KCNK2: variants seen among roughly 807,000 people sequenced by gnomAD.
KCNK2 encodes the protein potassium two pore domain channel subfamily K member 2.
A neutral mutation model predicts 40.5 loss-of-function variants in KCNK2; 21 were observed. The observed-to-expected ratio is 0.52, with a 90% CI of 0.37 to 0.75. KCNK2 has a LOEUF of 0.75. KCNK2 is among the 30% of genes least tolerant of loss of function. KCNK2 has a pLI of 0.00. For missense variants in KCNK2, 399 were observed against 531.6 expected (o/e 0.75, Z 2.45); for synonymous variants, 191 against 202.2 (o/e 0.94, Z 0.47).
At chr1:215,091,212 C>T (rs752094615) in intron 2 of KCNK2, among the ~76,000 whole-genome samples, 4 of 151,974 alleles carry the variant, frequency 2.6e-5, no homozygotes, top group Admixed American at 1.3e-4. Context: ...TAGGGGAAGA[C>T]GAGGGGAATA....
At chr1:215,168,378 A>T (rs1015428569) in intron 3 of KCNK2, among the ~76,000 whole-genome samples, 1 of 152,238 alleles carries the variant, frequency 6.6e-6, no homozygotes, top group African/African-American at 2.4e-5. Flanking sequence ...ATTATAAATC[A>T]TTCTACTATA....
chr1:215,221,235 G>A (rs4446938), intron 6 of KCNK2, among the ~76,000 whole-genome samples: 77,493 of 152,038 alleles, frequency 0.51, 21,150 homozygotes, highest in East Asian at 0.61. Flanking sequence ...GTAGTCAGGC[G>A]TGGTGGCAGG....
upstream of KCNK2, among the ~76,000 whole-genome samples, chr1:215,079,083 T>C (rs1659052267): frequency 1.3e-5 from 2 of 152,228 alleles, no homozygotes; most frequent in South Asian, 4.1e-4. Context: ...AAGGGCAGTA[T>C]GGAATTTTTG....
At chr1:215,086,294 C>A in intron 1 of KCNK2, 74 bp from the exon 2 acceptor site, 3 of 1,221,010 alleles carry the variant, frequency 2.5e-6, no homozygotes, top group Non-Finnish European at 3.5e-6. Context: ...CCTTCTCTGA[C>A]CCCTTAAAGA....
At chr1:215,053,164 G>A (rs1658047625) in intron 1 of KCNK2, among the ~76,000 whole-genome samples, 3 of 152,060 alleles carry the variant, frequency 2.0e-5, no homozygotes, top group African/African-American at 4.8e-5. Flanking sequence ...CGATGAGTCC[G>A]TGGCTTCCAT....
chr1:215,170,276 A>G (rs1205922049), intron 4 of KCNK2, among the ~76,000 whole-genome samples: 1 of 152,190 alleles, frequency 6.6e-6, no homozygotes, highest in Non-Finnish European at 1.5e-5. Context: ...TAGTAGAACC[A>G]AAGGTGTAGA....
In KCNK2 at chr1:215,083,214, G is replaced by T; in HGVS notation, c.-172G>T. Reference sequence around the variant, plus strand: ...CACGCTCCCCCCCCCGCCCCCTCCCGCGTCCAGCCCCGCTCTCCCCACCTT... The same window carrying T: ...CACGCTCCCCCCCCCGCCCCCTCCCTCGTCCAGCCCCGCTCTCCCCACCTT... On this transcript the variant is annotated 5_prime_UTR_variant, in exon 1 of 7. Transcript: ENST00000444842. The T allele has an allele frequency of 5.9e-6, 2 of 337,574 alleles. No individual in the cohort carries two copies. Among genetic ancestry groups the T allele is most frequent in the South Asian group, 3.5e-5 (1 of 28,250 alleles). The allele number at this position is 337,574 out of a possible 1,614,324, so 20.9% of individuals were successfully genotyped here. A position where few individuals can be genotyped will look rare whatever the true frequency, so the allele number is the denominator to read the frequency against.
chr1:215,049,487 G>C (rs1479042752), intron 1 of KCNK2, among the ~76,000 whole-genome samples: 1 of 152,040 alleles, frequency 6.6e-6, no homozygotes, highest in South Asian at 2.1e-4. Flanking sequence ...AACAAAAGTT[G>C]ATAATTTTGA....
intron 2 of KCNK2, among the ~76,000 whole-genome samples, chr1:215,097,191 AC>A (rs1660013767): frequency 6.6e-6 from 1 of 152,004 alleles, no homozygotes; most frequent in African/African-American, 2.4e-5. Flanking sequence ...TAATGTCTGG[AC>A]TAAAAGTATG....
chr1:215,100,255 G>T (rs1372966721), intron 2 of KCNK2, among the ~76,000 whole-genome samples: 7 of 151,966 alleles, frequency 4.6e-5, no homozygotes, highest in African/African-American at 1.4e-4. Context: ...TAACAGTGTG[G>T]TCAGGATGCC....
In KCNK2 at chr1:215,033,265, T is replaced by C. The variant is rs190559406; in HGVS notation, c.34+27310T>C. 5.3e-4 allele frequency among the ~76,000 whole-genome samples: 81 copies of C among 152,124 alleles called. 1 individual carries two copies. Among genetic ancestry groups the C allele is most frequent in the African/African-American group, 1.9e-3 (80 of 41,512 alleles). On this transcript the variant is annotated intron_variant, in intron 1 of 6. Transcript: ENST00000391895. Reference sequence around the variant, plus strand: ...AATCTCTCTGCTTATATTGTCTCTGTTCTTACATGGTGTCTACTTCAATTA... The same window carrying C: ...AATCTCTCTGCTTATATTGTCTCTGCTCTTACATGGTGTCTACTTCAATTA...
chr1:215,169,419 A>T (rs1663597632), intron 4 of KCNK2, 60 bp downstream of exon 4: 1 of 1,320,080 alleles, frequency 7.6e-7, no homozygotes. Flanking sequence ...AAAAAATTAT[A>T]TCTTTTCTGT....
chr1:215,199,173 G>C (rs979066902), intron 6 of KCNK2, among the ~76,000 whole-genome samples: 1 of 151,662 alleles, frequency 6.6e-6, no homozygotes, highest in Non-Finnish European at 1.5e-5. Context: ...CTGGGTATGG[G>C]GGTGGGTGCC....
At chr1:215,015,916 C>T (rs1332666029) in intron 1 of KCNK2, among the ~76,000 whole-genome samples, 1 of 152,132 alleles carries the variant, frequency 6.6e-6, no homozygotes, top group East Asian at 1.9e-4. Flanking sequence ...CAATTGGAAA[C>T]CTCTCCATTA....
intron 4 of KCNK2, among the ~76,000 whole-genome samples, chr1:215,171,654 AT>A (rs1663714854): frequency 6.6e-6 from 1 of 152,162 alleles, no homozygotes. Context: ...TAAACAAATA[AT>A]GATGCAAATC....
intron 1 of KCNK2, among the ~76,000 whole-genome samples, chr1:215,011,010 TAA>T (rs1317899513): frequency 6.4e-5 from 6 of 93,352 alleles, no homozygotes; most frequent in African/African-American, 3.2e-4. Context: ...AATATTGTAT[TAA>T]ATATATATTT....
chr1:215,072,817 C>A (rs375759757), intron 1 of KCNK2, among the ~76,000 whole-genome samples: 1 of 152,116 alleles, frequency 6.6e-6, no homozygotes, highest in Non-Finnish European at 1.5e-5. Context: ...AACAAGGTCC[C>A]TTGTCTATTG....
intron 6 of KCNK2, among the ~76,000 whole-genome samples, chr1:215,223,184 GAA>G (rs953542425): frequency 7.1e-6 from 1 of 141,588 alleles, no homozygotes; most frequent in African/African-American, 2.6e-5. Context: ...CCGTTAGGTG[GAA>G]AAGGTTCCCC....
chr1:215,169,522 T>C (rs1458225622), intron 4 of KCNK2, among the ~76,000 whole-genome samples, 163 bp downstream of exon 4: 1 of 152,186 alleles, frequency 6.6e-6, no homozygotes, highest in Non-Finnish European at 1.5e-5. Context: ...TTTTTAATTA[T>C]GTTTATACTT....
Sources: gnomAD v4.1 joint callset for allele counts (sites outside exome capture counted in the v4.1 genomes callset) on GRCh38, gnomAD v4.1.1 for gene constraint, MANE v1.5 for transcripts, NCBI Gene and HGNC (gene_info 2026-07-23, HGNC 2026-07-21) for gene names.